Variants in ST18 observed in about 807,000 individuals in gnomAD.
The protein encoded by ST18 is ST18 C2H2C-type zinc finger transcription factor.
A neutral mutation model predicts 110.0 loss-of-function variants in ST18; 50 were observed. The observed-to-expected ratio is 0.45, with a 90% CI of 0.36 to 0.58. The LOEUF (loss-of-function observed/expected upper bound fraction) is 0.58, where lower values mean the gene tolerates loss of function less well. Among genes scored for constraint, ST18 ranks in the 20% least tolerant of loss-of-function variants. The probability of loss-of-function intolerance (pLI) is 0.00; values close to 1 mark genes in which losing one functional copy is unlikely to be tolerated. For missense variants in ST18, 1,306 were observed against 1,280.1 expected, an observed-to-expected ratio of 1.02 and a Z score of -0.31; for synonymous variants, 461 against 452.4, an observed-to-expected ratio of 1.02 and a Z score of -0.24.
At chr8:52,201,573 T>G (rs78731498) in intron 8 of ST18, among the ~76,000 whole-genome samples, 2,868 of 152,002 alleles carry the variant, frequency 0.019, 93 homozygotes, top group African/African-American at 0.066. Flanking sequence ...TTCCTGTAAC[T>G]CAGGCAGAGA....
chr8:52,383,616 T>C (rs1219202490), intron 2 of ST18, among the ~76,000 whole-genome samples: 1 of 151,520 alleles, frequency 6.6e-6, no homozygotes, highest in East Asian at 1.9e-4. Flanking sequence ...GCCTGGCTAA[T>C]TTTTGTATTT....
chr8:52,275,869 C>G (rs1024494092), intron 2 of ST18, among the ~76,000 whole-genome samples: 4 of 151,880 alleles, frequency 2.6e-5, no homozygotes, highest in African/African-American at 9.7e-5. Context: ...GGTCAGAGCC[C>G]ATCAGTATAG....
chr8:52,366,502 A>G (rs566977676), intron 2 of ST18, among the ~76,000 whole-genome samples: 1 of 152,114 alleles, frequency 6.6e-6, no homozygotes, highest in Admixed American at 6.5e-5. Flanking sequence ...GCTTCCTGCT[A>G]TTCTGTCAAT....
At chr8:52,221,571 C>T (rs771562659) in intron 4 of ST18, 69 bp downstream of exon 4, 7 of 152,190 alleles carry the variant, frequency 4.6e-5, no homozygotes, top group Admixed American at 1.3e-4. Context: ...ACAAACATCA[C>T]GTGTATCCAT....
At chr8:52,360,612 A>G (rs1367933259) in intron 2 of ST18, among the ~76,000 whole-genome samples, 3 of 152,174 alleles carry the variant, frequency 2.0e-5, no homozygotes, top group African/African-American at 7.2e-5. Flanking sequence ...CCTTGGAAAA[A>G]TCAAGTGAAC....
At chr8:52,327,169 G>T (rs1414550428) in intron 2 of ST18, among the ~76,000 whole-genome samples, 1 of 152,160 alleles carries the variant, frequency 6.6e-6, no homozygotes, top group Non-Finnish European at 1.5e-5. Flanking sequence ...ATTACCTACT[G>T]GTCATGTACT....
chr8:52,172,030 G>C lies in ST18; in HGVS notation c.831C>G (p.Asp277Glu), dbSNP rs545158949. The C allele has an allele frequency of 1.9e-6, 3 of 1,614,154 alleles. No individual in the cohort carries two copies. Among genetic ancestry groups the C allele is most frequent in the Non-Finnish European group, 2.5e-6 (3 of 1,180,034 alleles). Residue 277 changes from aspartate to glutamate, a missense_variant, in exon 10 of 26, where the codon GAC becomes GAG. Coordinates refer to ENST00000689386, the MANE Select transcript of ST18 (RefSeq NM_001352837.2). ...LDGNAQPSFP[D>E]VEEEDSESLA... ...GGCTCTCGCTATCTTCCTCCTCAAC[G>C]TCAGGGAATGAGGGCTGGGCATTGC...
At chr8:52,127,952 A>G (rs2047717691) in intron 22 of ST18, among the ~76,000 whole-genome samples, 1 of 151,500 alleles carries the variant, frequency 6.6e-6, no homozygotes, top group South Asian at 2.1e-4. Flanking sequence ...CAAAATTACC[A>G]TTCTATTATG....
intron 2 of ST18, among the ~76,000 whole-genome samples, chr8:52,273,215 C>G (rs1209635031): frequency 6.6e-6 from 1 of 152,180 alleles, no homozygotes; most frequent in African/African-American, 2.4e-5. Flanking sequence ...CCATCTGAAA[C>G]CAGCCTGAGT....
chr8:52,382,158 C>T (rs1319899482), intron 2 of ST18, among the ~76,000 whole-genome samples: 4 of 152,080 alleles, frequency 2.6e-5, no homozygotes, highest in Non-Finnish European at 4.4e-5. Context: ...CTGGCAGAGC[C>T]GCCTATCCAT....
intron 6 of ST18, among the ~76,000 whole-genome samples, chr8:52,215,412 T>C (rs555525864): frequency 6.6e-6 from 1 of 152,220 alleles, no homozygotes; most frequent in Non-Finnish European, 1.5e-5. Context: ...ACACTATATA[T>C]TATGTTCAGT....
chr8:52,133,220 G>T lies in ST18; in HGVS notation c.2363+19C>A. The stretch of plus-strand genomic sequence containing the variant: ...CCGACAAGCTCATTTCCACATCTCA[G>T]AAATAAGATCAATCCTACCTTCTGT... On this transcript the variant is annotated intron_variant, in intron 20 of 25. Transcript: ENST00000689386. 6.2e-7 allele frequency: 1 copy of T among 1,614,134 alleles called. No homozygotes were observed. The highest frequency in any genetic ancestry group is 8.5e-7 in the Non-Finnish European group (1 of 1,180,036).
intron 2 of ST18, among the ~76,000 whole-genome samples, chr8:52,367,077 C>A (rs954870668): frequency 6.6e-6 from 1 of 152,088 alleles, no homozygotes; most frequent in African/African-American, 2.4e-5. Flanking sequence ...ACTAAAAATA[C>A]AAAAATTAGC....
chr8:52,332,866 A>T (rs1480680918), intron 2 of ST18, among the ~76,000 whole-genome samples: 1 of 151,302 alleles, frequency 6.6e-6, no homozygotes. Context: ...AAACAAACAA[A>T]ATATATATAT....
At chr8:52,172,857 C>T (rs2065477383) in intron 9 of ST18, among the ~76,000 whole-genome samples, 1 of 152,116 alleles carries the variant, frequency 6.6e-6, no homozygotes, top group African/African-American at 2.4e-5. Flanking sequence ...TAATTTCCAA[C>T]ATGTTAAGAG....
At chr8:52,239,233 G>C (rs1291889254) in intron 2 of ST18, among the ~76,000 whole-genome samples, 1 of 152,136 alleles carries the variant, frequency 6.6e-6, no homozygotes, top group Non-Finnish European at 1.5e-5. Context: ...AAGGGGTGCA[G>C]AGTTTCTTTT....
chr8:52,302,452 C>A (rs2095741493), intron 2 of ST18, among the ~76,000 whole-genome samples: 1 of 152,134 alleles, frequency 6.6e-6, no homozygotes, highest in African/African-American at 2.4e-5. Flanking sequence ...ATATAGAAAT[C>A]TATTCCCTAA....
Position 52,315,894 on chromosome 8 carries a change from T to C in ST18, c.-464-85817A>G, listed in dbSNP as rs149086237. Among the ~76,000 whole-genome samples the C allele has an allele frequency of 8.5e-5, 13 of 152,314 alleles. No individual in the cohort carries two copies. In the East Asian group the frequency reaches 2.5e-3, roughly 29 times the overall value. ...GTCAAACAAGAAAAAAGCCTCCTTA[T>C]GAAAATGAAAATTATTACAGATTAT... On this transcript the variant is annotated intron_variant, in intron 2 of 25. Coordinates refer to ENST00000689386, the MANE Select transcript of ST18 (RefSeq NM_001352837.2).
At chr8:52,167,830 C>T (rs2063529748) in intron 10 of ST18, among the ~76,000 whole-genome samples, 1 of 152,088 alleles carries the variant, frequency 6.6e-6, no homozygotes, top group African/African-American at 2.4e-5. Context: ...GTAAGGGGCA[C>T]CTGCTCATGC....
Sources: gnomAD v4.1 joint callset for allele counts (sites outside exome capture counted in the v4.1 genomes callset) on GRCh38, gnomAD v4.1.1 for gene constraint, MANE v1.5 for transcripts, NCBI Gene and HGNC (gene_info 2026-07-23, HGNC 2026-07-21) for gene names.